Variants in CUX1 observed in about 807,000 individuals in gnomAD.
The protein encoded by CUX1 is protein CASP.
In CUX1, 31 loss-of-function variants were observed where a neutral mutation model predicts 158.8. The observed-to-expected ratio is 0.20, with a 90% CI of 0.15 to 0.26. The LOEUF is 0.26. CUX1 is among the 10% of genes least tolerant of loss of function. The pLI is 1.00. For synonymous variants in CUX1, 879 were observed against 862.1 expected (o/e 1.02, Z -0.34); for missense variants, 1,589 against 2,014.6 (o/e 0.79, Z 4.04).
Position 101,981,685 on chromosome 7 carries a change from T to TCA in CUX1, c.142-46412_142-46411insAC, listed in dbSNP as rs1345264530. Among the ~76,000 whole-genome samples the TCA allele has an allele frequency of 6.6e-5, 10 of 151,996 alleles. 1 individual carries two copies. Among genetic ancestry groups the TCA allele is most frequent in the African/African-American group, 2.4e-4 (10 of 41,444 alleles). On this transcript the variant is annotated intron_variant, in intron 2 of 23. Transcript: ENST00000292535. ...TGGAGTACAGCAGTGCGATCTCGGC[T>TCA]CTGCAACCTCCGCCTCCCTGGTTCA...
intron 12 of CUX1, among the ~76,000 whole-genome samples, 179 bp downstream of exon 12, chr7:102,190,050 G>A (rs886236689): frequency 6.6e-5 from 10 of 152,266 alleles, no homozygotes; most frequent in African/African-American, 1.4e-4. Context: ...CACTGTGGGC[G>A]TTTGCCCTTG....
intron 2 of CUX1, among the ~76,000 whole-genome samples, chr7:101,979,961 T>C (rs533031911): frequency 9.9e-5 from 15 of 152,216 alleles, no homozygotes; most frequent in African/African-American, 3.4e-4. Context: ...GCTGGGTGTT[T>C]TATTTCTTCG....
At chr7:101,892,106 C>T (rs1244383530) in intron 1 of CUX1, among the ~76,000 whole-genome samples, 7 of 152,142 alleles carry the variant, frequency 4.6e-5, no homozygotes, top group African/African-American at 1.7e-4. Context: ...TGTGTTGGAG[C>T]GGAGAGTCAG....
At chr7:102,097,281 G>GCC in intron 4 of CUX1, 83 bp from the exon 5 acceptor site, 1 of 1,492,136 alleles carries the variant, frequency 6.7e-7, no homozygotes, top group Non-Finnish European at 8.9e-7. Context: ...TGTCCCAGGA[G>GCC]CCCCACTCTG....
intron 12 of CUX1, among the ~76,000 whole-genome samples, chr7:102,192,463 A>G (rs1194951551): frequency 6.6e-6 from 1 of 152,214 alleles, no homozygotes; most frequent in Non-Finnish European, 1.5e-5. Flanking sequence ...GAATAGATAA[A>G]GAGCCACGTG....
chr7:102,199,166 C>T (rs990408692), intron 16 of CUX1, among the ~76,000 whole-genome samples: 3 of 152,150 alleles, frequency 2.0e-5, no homozygotes, highest in Non-Finnish European at 2.9e-5. Context: ...TTTTCTCAGA[C>T]GCAGTTGAAA....
At chr7:102,051,679 T>A (rs1179566267) in intron 3 of CUX1, among the ~76,000 whole-genome samples, 1 of 141,682 alleles carries the variant, frequency 7.1e-6, no homozygotes, top group East Asian at 2.0e-4. Flanking sequence ...AGGAACACAG[T>A]GCATGTCTAT....
chr7:102,154,638 A>G (rs1396036227), intron 8 of CUX1, among the ~76,000 whole-genome samples: 1 of 152,090 alleles, frequency 6.6e-6, no homozygotes, highest in Non-Finnish European at 1.5e-5. Flanking sequence ...ATAAATAGCT[A>G]AAGACCAGTT....
At chr7:102,182,710 G>A (rs782141422) in intron 11 of CUX1, among the ~76,000 whole-genome samples, 5 of 152,208 alleles carry the variant, frequency 3.3e-5, no homozygotes, top group Non-Finnish European at 5.9e-5. Context: ...CCCGACCGCC[G>A]TGACAAGGCT....
chr7:101,989,326 C>T (rs73405919), intron 2 of CUX1, among the ~76,000 whole-genome samples: 2,480 of 152,360 alleles, frequency 0.016, 65 homozygotes, highest in African/African-American at 0.057. Context: ...TGATAACAAT[C>T]GAAATAGCAG....
intron 4 of CUX1, among the ~76,000 whole-genome samples, chr7:102,082,954 C>G: frequency 6.8e-6 from 1 of 147,394 alleles, no homozygotes; most frequent in East Asian, 1.9e-4. Flanking sequence ...TTCCCTTAGG[C>G]AAATACTTAG....
chr7:102,125,855 G>A (rs775013789), intron 8 of CUX1: 1 of 151,354 alleles, frequency 6.6e-6, no homozygotes, highest in African/African-American at 2.4e-5. Flanking sequence ...TTGAGACAAG[G>A]TCTCACTCTA....
chr7:102,038,698 A>G (rs1418820533), intron 3 of CUX1, among the ~76,000 whole-genome samples: 1 of 152,172 alleles, frequency 6.6e-6, no homozygotes, highest in Admixed American at 6.5e-5. Flanking sequence ...CATGCCTGTC[A>G]TCCTAGTACT....
chr7:102,196,547 CG>C, intron 14 of CUX1, 86 bp from the exon 15 acceptor site: 1 of 1,284,406 alleles, frequency 7.8e-7, no homozygotes. Flanking sequence ...TTCCCTTTTG[CG>C]GGGGCAAACT....
At chr7:101,927,896 A>G (rs1805791162) in intron 2 of CUX1, among the ~76,000 whole-genome samples, 1 of 152,162 alleles carries the variant, frequency 6.6e-6, no homozygotes, top group Non-Finnish European at 1.5e-5. Flanking sequence ...GTGGCATCTG[A>G]AGACCCCGCA....
rs80089776 is a variant in CUX1, at chr7:101,883,096, C to T, written c.31-33019C>T. ...CAAACGCTAACACTCTTGGCTCGGG[C>T]TCAGGTTTCAAGTCAGCCTCCAAAG... On this transcript the variant is annotated intron_variant, in intron 1 of 23. Transcript: ENST00000292535. Among the ~76,000 whole-genome samples, 909 of 152,206 alleles carry T rather than the reference C, an allele frequency of 6.0e-3. 7 individuals carry two copies. The highest frequency in any genetic ancestry group is 0.021 in the African/African-American group (859 of 41,524).
intron 2 of CUX1, among the ~76,000 whole-genome samples, chr7:101,968,126 A>G (rs1444107053): frequency 2.6e-5 from 4 of 152,160 alleles, no homozygotes; most frequent in Non-Finnish European, 5.9e-5. Flanking sequence ...GCTGGTCTCC[A>G]ATTCCGAGGC....
At chr7:102,067,642 T>C (rs1157992435) in intron 3 of CUX1, among the ~76,000 whole-genome samples, 1 of 152,070 alleles carries the variant, frequency 6.6e-6, no homozygotes, top group Non-Finnish European at 1.5e-5. Context: ...CTTTTAAATT[T>C]TTTTTCTATA....
At chr7:102,157,395 G>C (rs1444367195) in intron 8 of CUX1, among the ~76,000 whole-genome samples, 1 of 152,146 alleles carries the variant, frequency 6.6e-6, no homozygotes, top group Non-Finnish European at 1.5e-5. Context: ...ACCATCCTCA[G>C]GACCTGCTTG....
Sources: allele counts gnomAD v4.1 joint callset (sites outside exome capture counted in the v4.1 genomes callset), GRCh38; gene constraint gnomAD v4.1.1; transcripts MANE v1.5; gene names NCBI Gene and HGNC (gene_info 2026-07-23, HGNC 2026-07-21).